Variants in TMEM67 observed in about 807,000 individuals in gnomAD.
TMEM67 encodes meckelin.
TMEM67 carries 124 observed loss-of-function variants against 136.6 expected under a neutral mutation model. The ratio of observed to expected loss-of-function variants is 0.91; its 90% CI spans 0.78 to 1.05. TMEM67 has a LOEUF of 1.05. Ranked by LOEUF, TMEM67 falls within the 50% of genes least tolerant of loss-of-function variation. The pLI, the probability that TMEM67 is intolerant of heterozygous loss-of-function variation, is 0.00. For missense variants in TMEM67, 1,107 were observed against 1,178.4 expected, an observed-to-expected ratio of 0.94 and a Z score of 0.89; for synonymous variants, 364 against 390.5, an observed-to-expected ratio of 0.93 and a Z score of 0.80.
At chr8:93,760,033 G>C (rs990378517) in intron 3 of TMEM67, 14 of 1,398,578 alleles carry the variant, frequency 1.0e-5, no homozygotes, top group Middle Eastern at 3.7e-4. Flanking sequence ...GCTTTTAAGT[G>C]AAAATGCATT....
At chr8:93,792,652 T>A (rs927120232) in intron 15 of TMEM67, among the ~76,000 whole-genome samples, 3 of 152,040 alleles carry the variant, frequency 2.0e-5, no homozygotes, top group Non-Finnish European at 2.9e-5. Context: ...TATTTTTAAA[T>A]CAGTGTGAAC....
At chr8:93,828,601 A>G in the TMEM67 span, among the ~76,000 whole-genome samples, 2 of 152,098 alleles carry the variant, frequency 1.3e-5, no homozygotes, top group Non-Finnish European at 2.9e-5. Context: ...ATAGCTGGGC[A>G]TGGTGGCACA....
chr8:93,796,079 G>A (rs187136473), intron 18 of TMEM67, 92 bp downstream of exon 18: 14 of 884,832 alleles, frequency 1.6e-5, no homozygotes, highest in Middle Eastern at 2.2e-4. Flanking sequence ...AATCTTTGGC[G>A]TGAAATTCAC....
chr8:93,762,529 A>G (rs981429908), intron 3 of TMEM67, among the ~76,000 whole-genome samples: 1 of 151,794 alleles, frequency 6.6e-6, no homozygotes, highest in Admixed American at 6.6e-5. Context: ...TTGTTATGTT[A>G]CCCAGGCTGG....
intron 26 of TMEM67, among the ~76,000 whole-genome samples, chr8:93,812,597 C>T (rs1563484166): frequency 6.6e-6 from 1 of 152,198 alleles, no homozygotes; most frequent in South Asian, 2.1e-4. Flanking sequence ...ACTTGCCTAG[C>T]GTTTCTGAAC....
rs778478057 is a variant in TMEM67, at chr8:93,795,913, G to T, written c.1786G>T (p.Val596Leu). The stretch of plus-strand genomic sequence containing the variant: ...ATTTTTATTATAGGCACAGAAGTCT[G>T]TGTCTGTTTTGCTGCCAATGCCAAT... ...WLIFFKAQKS[V>L]SVLLPMPIQE... is the part of the protein sequence containing the mutation. Residue 596 changes from valine to leucine, a missense_variant, in exon 18 of 28, where the codon GTG becomes TTG. Val to Leu is a conservative substitution (Grantham distance 32, BLOSUM62 1). Coordinates refer to ENST00000453321, the MANE Select transcript of TMEM67 (RefSeq NM_153704.6). 6.8e-6 allele frequency: 11 copies of T among 1,606,306 alleles called. No individual in the cohort carries two copies. The highest frequency in any genetic ancestry group is 1.7e-4 in the Middle Eastern group (1 of 6,054).
intron 7 of TMEM67, among the ~76,000 whole-genome samples, chr8:93,776,050 C>A (rs929659586): frequency 1.1e-4 from 16 of 152,120 alleles, no homozygotes; most frequent in African/African-American, 3.6e-4. Flanking sequence ...TTGTAATTCT[C>A]CTTGAAGAGG....
chr8:93,831,591 A>G, the TMEM67 span, among the ~76,000 whole-genome samples: 28 of 152,242 alleles, frequency 1.8e-4, no homozygotes, highest in East Asian at 4.2e-3. Context: ...CTAGTCCCCA[A>G]CCCAAATATT....
rs1226328805 is a variant in TMEM67 at position 93,787,845 on chromosome 8, G to A, written c.1414G>A (p.Val472Ile). ...ATAAATGCATTTTCTTTTAAATAGT[G>A]TCCACCTTGTACCCAACACAATAAA... Reference protein sequence around the residue: ...IRVATQISLSVHLVPNTINGN... With the variant: ...IRVATQISLSIHLVPNTINGN... The change falls in exon 14 of 28, where the codon GTC becomes ATC. Residue 472 changes from valine to isoleucine, a missense_variant and splice_region_variant. Val to Ile is a conservative substitution (Grantham distance 29). Transcript: ENST00000453321. 1.2e-6 allele frequency: 2 copies of A among 1,610,222 alleles called. No homozygotes were observed. The highest frequency in any genetic ancestry group is 4.5e-5 in the East Asian group (2 of 44,826).
chr8:93,784,984 T>C lies in TMEM67; in HGVS notation c.1132-238T>C, dbSNP rs1235809154. Among the ~76,000 whole-genome samples the C allele has an allele frequency of 3.9e-5, 6 of 152,304 alleles. No homozygotes were observed. The South Asian group carries it at 1.2e-3, about 32-fold the overall frequency. ...GAAGTTCTCAAAATTCTCAAAGCAGTACTTTACTGTTAGTGGTTTTGGTCC... is the reference window on the plus strand; with the variant it reads ...GAAGTTCTCAAAATTCTCAAAGCAGCACTTTACTGTTAGTGGTTTTGGTCC... On this transcript the variant is annotated intron_variant, in intron 11 of 27. Coordinates refer to ENST00000453321, the MANE Select transcript of TMEM67 (RefSeq NM_153704.6).
Position 93,755,072 on chromosome 8 carries a change from A to T in TMEM67, c.158A>T (p.Gln53Leu). Residue 53 changes from glutamine (Q) to leucine (L), a missense_variant, in exon 1 of 28, where the codon CAG becomes CTG. Gln to Leu is a moderately radical substitution (Grantham distance 113, BLOSUM62 -2). Coordinates refer to ENST00000453321, the MANE Select transcript of TMEM67 (RefSeq NM_153704.6). ...FQQPEKCDNN[Q>L]YFDISALSCV... ...CAGCCGGAGAAGTGCGACAACAACC[A>T]GTACTTTGATATCTCCGCCCTCTCG... 6.2e-7 allele frequency: 1 copy of T among 1,614,214 alleles called. No individual in the cohort carries two copies. The highest frequency in any genetic ancestry group is 8.5e-7 in the Non-Finnish European group (1 of 1,180,040).
At chr8:93,809,970 T>TC in intron 26 of TMEM67, 83 bp downstream of exon 26, 2 of 896,470 alleles carry the variant, frequency 2.2e-6, no homozygotes, top group Non-Finnish European at 3.5e-6. Context: ...TTTCTTTTTT[T>TC]CTTTTTTTTT....
intron 22 of TMEM67, among the ~76,000 whole-genome samples, chr8:93,804,316 T>TTTC (rs1563477524): frequency 2.3e-4 from 31 of 133,354 alleles, no homozygotes; most frequent in South Asian, 9.8e-4. Flanking sequence ...TTTTCTTTTT[T>TTTC]TTTTTTTTTT....
Position 93,757,766 on chromosome 8 carries a change from A to AT in TMEM67, c.313-703dup, listed in dbSNP as rs202040147. Among the ~76,000 whole-genome samples the AT allele has an allele frequency of 4.0e-3, 579 of 145,016 alleles. 7 individuals are homozygous for AT. Among genetic ancestry groups the AT allele is most frequent in the South Asian group, 0.029 (133 of 4,580 alleles). On this transcript the variant is annotated intron_variant, in intron 2 of 27. Transcript: ENST00000453321. ...TTTACCCATTTTGAATCATAAATGA[A>AT]TTTTTTTTTTTTTTGAAAGAGAGTA...
chr8:93,789,626 CAA>C (rs1481525789), intron 14 of TMEM67, among the ~76,000 whole-genome samples: 1 of 146,362 alleles, frequency 6.8e-6, no homozygotes, highest in Non-Finnish European at 1.5e-5. Context: ...GCCTGGGCAA[CAA>C]GAGTGAAACT....
At chr8:93,787,414 A>G (rs1225698953) in intron 13 of TMEM67, among the ~76,000 whole-genome samples, 1 of 152,140 alleles carries the variant, frequency 6.6e-6, no homozygotes, top group African/African-American at 2.4e-5. Context: ...GGCTTGACAC[A>G]TATTATTTTG....
intron 15 of TMEM67, 149 bp from the exon 16 acceptor site, chr8:93,793,049 G>C: frequency 1.4e-6 from 1 of 712,116 alleles, no homozygotes; most frequent in South Asian, 1.6e-5. Flanking sequence ...GGGATTACAG[G>C]TGTGAGCCAC....
chr8:93,813,757 G>A (rs1313383978), intron 26 of TMEM67, among the ~76,000 whole-genome samples: 3 of 152,100 alleles, frequency 2.0e-5, no homozygotes, highest in African/African-American at 7.2e-5. Flanking sequence ...TATCCAGTAG[G>A]CATTAAATAT....
chr8:93,795,589 T>G (rs1814577180), intron 17 of TMEM67, 82 bp downstream of exon 17: 2 of 1,267,656 alleles, frequency 1.6e-6, no homozygotes, highest in East Asian at 4.6e-5. Flanking sequence ...TATTTTTATT[T>G]GAGAGAATTT....
Sources: allele counts gnomAD v4.1 joint callset (sites outside exome capture counted in the v4.1 genomes callset), GRCh38; gene constraint gnomAD v4.1.1; transcripts MANE v1.5; gene names NCBI Gene and HGNC (gene_info 2026-07-23, HGNC 2026-07-21).